NEK4: variants seen among roughly 807,000 people sequenced by gnomAD.
NEK4 encodes the protein serine/threonine-protein kinase Nek4.
In NEK4, 86 loss-of-function variants were observed where a neutral mutation model predicts 98.4. The observed-to-expected ratio is 0.87, with a 90% CI of 0.73 to 1.05. The LOEUF is 1.05. Ranked by LOEUF, NEK4 falls within the 50% of genes least tolerant of loss-of-function variation. NEK4 has a pLI of 0.00. For missense variants in NEK4, 898 were observed against 950.3 expected (o/e 0.94, Z 0.72); for synonymous variants, 328 against 342.2 (o/e 0.96, Z 0.46).
chr3:52,746,459 T>G (rs1028465193), intron 9 of NEK4, among the ~76,000 whole-genome samples: 1 of 152,232 alleles, frequency 6.6e-6, no homozygotes, highest in African/African-American at 2.4e-5. Flanking sequence ...GAACTGTTCA[T>G]CAGTACAATA....
intron 5 of NEK4, 44 bp from the exon 6 acceptor site, chr3:52,760,980 G>T: frequency 7.5e-7 from 1 of 1,327,990 alleles, no homozygotes. Flanking sequence ...ATATACTGAA[G>T]ATTAAGGGTT....
chr3:52,761,968 G>C (rs962714254), intron 5 of NEK4, among the ~76,000 whole-genome samples: 1 of 152,180 alleles, frequency 6.6e-6, no homozygotes, highest in African/African-American at 2.4e-5. Context: ...AATTCAAGAG[G>C]AGCATGGAGA....
chr3:52,749,521 T>C (rs762542468), intron 8 of NEK4, among the ~76,000 whole-genome samples, 171 bp downstream of exon 8: 1 of 151,854 alleles, frequency 6.6e-6, no homozygotes, highest in Non-Finnish European at 1.5e-5. Flanking sequence ...AAAGGAGAAA[T>C]ACTGGCCAAA....
intron 14 of NEK4, 101 bp downstream of exon 14, chr3:52,739,328 G>A: frequency 1.1e-6 from 1 of 932,882 alleles, no homozygotes; most frequent in East Asian, 2.4e-5. Flanking sequence ...GAACCCGGGA[G>A]GCAAAGGTTG....
intron 6 of NEK4, among the ~76,000 whole-genome samples, chr3:52,752,997 C>T (rs979498490): frequency 2.0e-5 from 3 of 147,942 alleles, no homozygotes; most frequent in Non-Finnish European, 4.5e-5. Context: ...AGTTCTGATA[C>T]ATGCTAAAAC....
chr3:52,742,375 C>A (rs986346973), intron 12 of NEK4, among the ~76,000 whole-genome samples: 2 of 152,048 alleles, frequency 1.3e-5, no homozygotes, highest in Non-Finnish European at 2.9e-5. Flanking sequence ...CCAGCTTCAG[C>A]TTGCTCTTAA....
chr3:52,727,883 T>G (rs2097366021), intron 15 of NEK4, among the ~76,000 whole-genome samples: 1 of 152,142 alleles, frequency 6.6e-6, no homozygotes. Flanking sequence ...CTTTTGGAAT[T>G]CAGCAAAAGC....
At chr3:52,722,863 T>G (rs2097361332) in intron 15 of NEK4, among the ~76,000 whole-genome samples, 1 of 152,122 alleles carries the variant, frequency 6.6e-6, no homozygotes, top group Non-Finnish European at 1.5e-5. Context: ...TCCATTGCCC[T>G]CTAGCCTGAG....
intron 12 of NEK4, among the ~76,000 whole-genome samples, chr3:52,742,853 G>C (rs565860737): frequency 1.3e-5 from 2 of 152,266 alleles, no homozygotes; most frequent in African/African-American, 4.8e-5. Context: ...ACAGTGGTGT[G>C]AACACAACTC....
At position 52,715,294 on chromosome 3, in the gene NEK4, G is replaced by C. The variant is rs573399977; in HGVS notation, c.2434-3425C>G. Among the ~76,000 whole-genome samples the C allele has an allele frequency of 5.4e-4, 83 of 152,354 alleles. 1 individual carries two copies. Among genetic ancestry groups the C allele is most frequent in the South Asian group, 4.3e-3 (21 of 4,830 alleles). On this transcript the variant is annotated intron_variant, in intron 15 of 15. Transcript: ENST00000233027. ...GCAGAGAGGAGCTACCCTCTGCTGA[G>C]AGCTCAATACTCATCAAGATGAGCG...
At chr3:52,740,553 T>A (rs1341876190) in intron 13 of NEK4, among the ~76,000 whole-genome samples, 1 of 151,994 alleles carries the variant, frequency 6.6e-6, no homozygotes, top group Admixed American at 6.6e-5. Context: ...ATACCAGCAG[T>A]CTGGGAGGCC....
chr3:52,762,294 T>C (rs1188532859), intron 5 of NEK4, among the ~76,000 whole-genome samples: 2 of 152,220 alleles, frequency 1.3e-5, no homozygotes, highest in African/African-American at 2.4e-5. Flanking sequence ...AATATTACTA[T>C]CTTACACAGT....
intron 15 of NEK4, 107 bp from the exon 16 acceptor site, chr3:52,711,976 T>C: frequency 1.7e-6 from 1 of 599,102 alleles, no homozygotes; most frequent in Middle Eastern, 2.8e-4. Flanking sequence ...GTGGAAACCA[T>C]ACAGGAAAAT....
chr3:52,710,208 C>CA lies in NEK4; in HGVS notation c.*1568dup, dbSNP rs11428497. On this transcript the variant is annotated 3_prime_UTR_variant, in exon 16 of 16. Coordinates refer to ENST00000233027, the MANE Select transcript of NEK4 (RefSeq NM_003157.6). The stretch of plus-strand genomic sequence containing the variant: ...AAACCCTGTCTCTACTAAAAAAATA[C>CA]AAAAAAATTAGCCGGGCATGGTGGC... 51,308 of 151,420 alleles carry CA rather than the reference C, an allele frequency of 0.34. 9,687 individuals are homozygous for CA. The highest frequency in any genetic ancestry group is 0.46 in the Admixed American group (7,000 of 15,198). The allele number at this position is 151,420 out of a possible 1,614,324, so 9.4% of individuals were successfully genotyped here.
At chr3:52,725,531 C>CAA (rs71615867) in intron 15 of NEK4, among the ~76,000 whole-genome samples, 18 of 144,642 alleles carry the variant, frequency 1.2e-4, no homozygotes, top group South Asian at 2.2e-4. Flanking sequence ...CAAAACAAAA[C>CAA]AAAAAAAAAA....
intron 13 of NEK4, among the ~76,000 whole-genome samples, chr3:52,740,091 A>C (rs2097383205): frequency 6.6e-6 from 1 of 152,210 alleles, no homozygotes; most frequent in African/African-American, 2.4e-5. Flanking sequence ...AAAGCTCAAG[A>C]ATATTTAAAG....
intron 15 of NEK4, among the ~76,000 whole-genome samples, chr3:52,717,083 G>A (rs954382713): frequency 3.9e-5 from 6 of 152,106 alleles, no homozygotes; most frequent in Admixed American, 1.3e-4. Flanking sequence ...TAGGATGTAG[G>A]TTCTACTTTG....
At chr3:52,745,839 C>T (rs1035031255) in intron 10 of NEK4, among the ~76,000 whole-genome samples, 1 of 152,118 alleles carries the variant, frequency 6.6e-6, no homozygotes, top group Non-Finnish European at 1.5e-5. Flanking sequence ...CCTCCCACCT[C>T]GGCCTCATGA....
Position 52,752,923 on chromosome 3 carries a change from T to A in NEK4, c.964-587A>T, listed in dbSNP as rs1485915690. On this transcript the variant is annotated intron_variant, in intron 6 of 15. Transcript: ENST00000233027. ...CTCAAAAAAAAAAAAAAAAAATATA[T>A]ATATATATATACACACACACACACA... 8.6e-3 allele frequency among the ~76,000 whole-genome samples: 463 copies of A among 53,808 alleles called. 1 individual carries two copies. Among genetic ancestry groups the A allele is most frequent in the African/African-American group, 0.027 (358 of 13,228 alleles). The allele number at this position is 53,808 out of a possible 152,430, so 35.3% of individuals were successfully genotyped here.
Sources: allele counts gnomAD v4.1 joint callset (sites outside exome capture counted in the v4.1 genomes callset), GRCh38; gene constraint gnomAD v4.1.1; transcripts MANE v1.5; gene names NCBI Gene and HGNC (gene_info 2026-07-23, HGNC 2026-07-21).